The following MTPAP variants were observed in gnomAD, a reference collection of about 807,000 sequenced individuals.
MTPAP encodes mitochondrial poly(A) polymerase.
A neutral mutation model predicts 48.7 loss-of-function variants in MTPAP; 23 were observed. The observed-to-expected ratio is 0.47, with a 90% CI of 0.34 to 0.67. MTPAP has a LOEUF of 0.67. MTPAP is among the 30% of genes least tolerant of loss of function. The probability of loss-of-function intolerance (pLI) is 0.01; values close to 1 mark genes in which losing one functional copy is unlikely to be tolerated. For synonymous variants in MTPAP, 257 were observed against 254.1 expected, an observed-to-expected ratio of 1.01 and a Z score of -0.11; for missense variants, 614 against 694.3, an observed-to-expected ratio of 0.88 and a Z score of 1.30.
chr10:30,317,397 T>C (rs1015778582), intron 6 of MTPAP, among the ~76,000 whole-genome samples: 1 of 152,228 alleles, frequency 6.6e-6, no homozygotes, highest in Admixed American at 6.5e-5. Flanking sequence ...AATGTAGCAC[T>C]CTAGACTAAC....
intron 4 of MTPAP, among the ~76,000 whole-genome samples, chr10:30,336,014 AAAAT>A (rs1194550286): frequency 6.6e-6 from 1 of 152,188 alleles, no homozygotes; most frequent in Non-Finnish European, 1.5e-5. Context: ...AGCCTCAAAA[AAAAT>A]AAATAAATAA....
intron 8 of MTPAP, among the ~76,000 whole-genome samples, chr10:30,315,674 A>T (rs1035700799): frequency 1.3e-5 from 2 of 152,210 alleles, no homozygotes; most frequent in African/African-American, 4.8e-5. Context: ...AACTTTCTGG[A>T]ATGTATTCCA....
intron 3 of MTPAP, 72 bp from the exon 4 acceptor site, chr10:30,337,099 T>C: frequency 7.4e-7 from 1 of 1,343,336 alleles, no homozygotes; most frequent in Non-Finnish European, 1.1e-6. Flanking sequence ...CATTTTACTT[T>C]CAAAGATTTG....
chr10:30,328,557 T>C (rs1349531704), intron 4 of MTPAP, among the ~76,000 whole-genome samples: 1 of 152,256 alleles, frequency 6.6e-6, no homozygotes, highest in African/African-American at 2.4e-5. Flanking sequence ...AGGTTCCCTA[T>C]CAACTATTCC....
chr10:30,324,473 G>A (rs753610883), intron 5 of MTPAP, among the ~76,000 whole-genome samples: 43 of 152,072 alleles, frequency 2.8e-4, no homozygotes, highest in Non-Finnish European at 4.4e-4. Context: ...AGGATTGTTT[G>A]GGCCCAAGAG....
At chr10:30,331,935 G>A (rs752904738) in intron 4 of MTPAP, among the ~76,000 whole-genome samples, 3 of 152,158 alleles carry the variant, frequency 2.0e-5, no homozygotes, top group Non-Finnish European at 4.4e-5. Context: ...ATCATACATA[G>A]TGCCATAAGA....
chr10:30,321,388 A>G (rs1840723263), intron 6 of MTPAP, among the ~76,000 whole-genome samples: 2 of 152,242 alleles, frequency 1.3e-5, no homozygotes, highest in Admixed American at 6.5e-5. Context: ...GGTCAATTTC[A>G]AACAATATCA....
At chr10:30,348,062 G>A (rs1358064262) in intron 1 of MTPAP, among the ~76,000 whole-genome samples, 1 of 152,128 alleles carries the variant, frequency 6.6e-6, no homozygotes, top group Non-Finnish European at 1.5e-5. Flanking sequence ...ATATCAAAGA[G>A]CATATGAACA....
chr10:30,329,511 G>C (rs1441912355), intron 4 of MTPAP, among the ~76,000 whole-genome samples: 1 of 152,064 alleles, frequency 6.6e-6, no homozygotes, highest in Non-Finnish European at 1.5e-5. Context: ...TGTCATTACA[G>C]GCATGAAGCA....
intron 5 of MTPAP, among the ~76,000 whole-genome samples, chr10:30,322,979 T>C (rs904834635): frequency 2.6e-5 from 4 of 151,106 alleles, no homozygotes; most frequent in African/African-American, 9.7e-5. Context: ...AATACAATAA[T>C]TCAGCTGGGC....
chr10:30,322,012 T>A (rs1248592055), intron 6 of MTPAP, among the ~76,000 whole-genome samples: 1 of 152,208 alleles, frequency 6.6e-6, no homozygotes, highest in African/African-American at 2.4e-5. Flanking sequence ...AGTTTTAGTA[T>A]CTCTAATACA....
intron 5 of MTPAP, among the ~76,000 whole-genome samples, chr10:30,325,774 AAAT>A (rs1168772009): frequency 6.8e-6 from 1 of 147,674 alleles, no homozygotes; most frequent in Non-Finnish European, 1.5e-5. Context: ...TAAAAAAATG[AAAT>A]AAAGAAATTT....
chr10:30,316,237 C>CAT, intron 6 of MTPAP, 27 bp from the exon 7 acceptor site: 2 of 1,567,940 alleles, frequency 1.3e-6, no homozygotes, highest in Non-Finnish European at 1.8e-6. Flanking sequence ...AAATATTTCA[C>CAT]GTGTTTTTTT....
Position 30,349,175 on chromosome 10 carries a change from C to G in MTPAP, c.101G>C (p.Gly34Ala). 6.2e-7 allele frequency: 1 copy of G among 1,612,218 alleles called. No homozygotes were observed. The highest frequency in any genetic ancestry group is 8.5e-7 in the Non-Finnish European group (1 of 1,179,336). ...TCTCCTAAGGTCTTTGGCCACAGTT[C>G]CTGGGCAACTCAAAAGCCTGACGAT... is the stretch of plus-strand genomic sequence containing the variant. ...RPIVRLLSCP[G>A]TVAKDLRRDE... is the part of the protein sequence containing the mutation. Residue 34 changes from glycine to alanine, a missense_variant, in exon 1 of 9, where the codon GGA becomes GCA. Gly to Ala is a moderately conservative substitution (Grantham distance 60, BLOSUM62 0). Coordinates refer to ENST00000263063, the MANE Select transcript of MTPAP (RefSeq NM_018109.4).
chr10:30,314,884 C>CAAAA (rs34249388), intron 8 of MTPAP, among the ~76,000 whole-genome samples: 9,169 of 108,046 alleles, frequency 0.085, 18 homozygotes, highest in Non-Finnish European at 0.13. Flanking sequence ...AAAACAAAAA[C>CAAAA]AAAAAAAAAA....
chr10:30,317,795 G>T (rs1840678762), intron 6 of MTPAP, among the ~76,000 whole-genome samples: 1 of 152,038 alleles, frequency 6.6e-6, no homozygotes, highest in African/African-American at 2.4e-5. Flanking sequence ...CCACCGACCT[G>T]CCCCCAATGA....
At chr10:30,325,826 G>C (rs916219602) in intron 5 of MTPAP, among the ~76,000 whole-genome samples, 2 of 151,808 alleles carry the variant, frequency 1.3e-5, no homozygotes, top group African/African-American at 4.8e-5. Flanking sequence ...CAGTACAAAA[G>C]AACTTTTCCC....
rs1050235682 is a variant in MTPAP, at chr10:30,340,449, C to A, written c.332G>T (p.Gly111Val). The change falls in exon 3 of 9, where the codon GGT (glycine) becomes GTT (valine). Residue 111 changes from glycine (G) to valine (V), a missense_variant and splice_region_variant. Physicochemically the swap from Gly to Val is moderately radical, Grantham distance 109 (BLOSUM62 -3). This residue lies in a region of MTPAP where 114 missense variants were observed against 107.9 expected (regional missense o/e 1.06). Transcript: ENST00000263063. ...INNHFFYESF[G>V]LYAVVEFCQK... ...GCAAAATTCTACGACAGCATAGAGA[C>A]CCTATACCAAAAACATAAGAAAAAA... is the stretch of plus-strand genomic sequence containing the variant. The A allele has an allele frequency of 1.2e-6, 2 of 1,609,696 alleles. No homozygotes were observed. The highest frequency in any genetic ancestry group is 8.5e-7 in the Non-Finnish European group (1 of 1,176,130).
chr10:30,349,107 C>T lies in MTPAP; in HGVS notation c.157+12G>A, dbSNP rs1834904305. 2 of 1,613,494 alleles carry T rather than the reference C, an allele frequency of 1.2e-6. No individual in the cohort carries two copies. The highest frequency in any genetic ancestry group is 3.3e-5 in the Admixed American group (2 of 59,960). The stretch of plus-strand genomic sequence containing the variant: ...TGTGGGACGGAACTACAGGGCAAAC[C>T]GGCGCCATCACCTGTCTCCACGCTC... On this transcript the variant is annotated intron_variant, in intron 1 of 8. Coordinates refer to ENST00000263063, the MANE Select transcript of MTPAP (RefSeq NM_018109.4).
Sources: allele counts gnomAD v4.1 joint callset (sites outside exome capture counted in the v4.1 genomes callset), GRCh38; gene constraint gnomAD v4.1.1; regional missense constraint gnomAD v4.1.1; transcripts MANE v1.5; gene names NCBI Gene and HGNC (gene_info 2026-07-23, HGNC 2026-07-21).